KHDRBS2: variants seen among roughly 807,000 people sequenced by gnomAD.
KHDRBS2 encodes KH RNA binding domain containing, signal transduction associated 2.
In KHDRBS2, 26 loss-of-function variants were observed where a neutral mutation model predicts 44.3. The ratio of observed to expected loss-of-function variants is 0.59; its 90% CI spans 0.43 to 0.81. The LOEUF is 0.81. KHDRBS2 is among the 40% of genes least tolerant of loss of function. KHDRBS2 has a pLI of 0.00. For synonymous variants in KHDRBS2, 194 were observed against 151.1 expected, an observed-to-expected ratio of 1.28 and a Z score of -2.08; for missense variants, 476 against 433.1, an observed-to-expected ratio of 1.10 and a Z score of -0.88.
At chr6:61,919,723 C>G (rs1807682319) in intron 4 of KHDRBS2, among the ~76,000 whole-genome samples, 1 of 151,492 alleles carries the variant, frequency 6.6e-6, no homozygotes, top group Non-Finnish European at 1.5e-5. Context: ...ACCTGAAGAA[C>G]AACAACAACA....
At chr6:61,856,777 T>C (rs537994703) in intron 6 of KHDRBS2, among the ~76,000 whole-genome samples, 2 of 152,136 alleles carry the variant, frequency 1.3e-5, no homozygotes, top group African/African-American at 4.8e-5. Context: ...ACTCCAACTG[T>C]AGTGGCTTTT....
chr6:61,688,837 G>A (rs1301196386), intron 8 of KHDRBS2, among the ~76,000 whole-genome samples: 1 of 151,874 alleles, frequency 6.6e-6, no homozygotes, highest in African/African-American at 2.4e-5. Flanking sequence ...TTACTGGGAG[G>A]TAAGCTCTAA....
intron 4 of KHDRBS2, among the ~76,000 whole-genome samples, chr6:61,952,746 G>A (rs9345810): frequency 0.34 from 52,045 of 151,914 alleles, 9,080 homozygotes; most frequent in Middle Eastern, 0.41. Context: ...TGTGTCAAGT[G>A]CATTACACAT....
At chr6:61,914,031 T>C (rs1286116112) in intron 4 of KHDRBS2, among the ~76,000 whole-genome samples, 2 of 152,078 alleles carry the variant, frequency 1.3e-5, no homozygotes, top group Non-Finnish European at 2.9e-5. Flanking sequence ...GACAGTGAAA[T>C]AACCAGTTTT....
intron 6 of KHDRBS2, among the ~76,000 whole-genome samples, chr6:61,771,023 G>A (rs1179132278): frequency 2.0e-5 from 3 of 151,886 alleles, no homozygotes; most frequent in South Asian, 2.1e-4. Context: ...GAGAGTGGGG[G>A]CCAATATTCA....
intron 2 of KHDRBS2, among the ~76,000 whole-genome samples, chr6:62,078,210 T>C (rs1281525469): frequency 1.3e-5 from 2 of 152,046 alleles, no homozygotes; most frequent in Non-Finnish European, 2.9e-5. Flanking sequence ...TTCTAAGTGA[T>C]TGAGAAATTC....
intron 3 of KHDRBS2, among the ~76,000 whole-genome samples, chr6:61,983,236 CTTTTTTTTT>C (rs1173961055): frequency 5.9e-5 from 7 of 118,496 alleles, no homozygotes; most frequent in African/African-American, 2.2e-4. Flanking sequence ...TTCTTTCTTT[CTTTTTTTTT>C]TTTTTTTTTT....
chr6:61,734,357 A>T (rs1397569044), intron 6 of KHDRBS2, among the ~76,000 whole-genome samples: 1 of 152,122 alleles, frequency 6.6e-6, no homozygotes, highest in East Asian at 1.9e-4. Context: ...TTTAGAAATA[A>T]TACAAACAAG....
At chr6:62,164,935 T>C (rs1818369079) in intron 2 of KHDRBS2, among the ~76,000 whole-genome samples, 1 of 151,906 alleles carries the variant, frequency 6.6e-6, no homozygotes, top group Admixed American at 6.6e-5. Flanking sequence ...TTTTGAAATT[T>C]CCCTTACACT....
chr6:61,544,698 A>T, the KHDRBS2 span, among the ~76,000 whole-genome samples: 14 of 152,230 alleles, frequency 9.2e-5, 1 homozygote, highest in South Asian at 2.9e-3. Flanking sequence ...TTAGAATGAT[A>T]GACTGGATTA....
chr6:62,007,277 A>T (rs1340266619), intron 3 of KHDRBS2, among the ~76,000 whole-genome samples: 1 of 152,062 alleles, frequency 6.6e-6, no homozygotes, highest in Admixed American at 6.6e-5. Context: ...CCTTTAAATA[A>T]GTTTTCTGTT....
intron 1 of KHDRBS2, among the ~76,000 whole-genome samples, chr6:62,254,220 T>C (rs1212125970): frequency 6.6e-6 from 1 of 152,042 alleles, no homozygotes; most frequent in African/African-American, 2.4e-5. Context: ...ATTAAAGTGC[T>C]ACAGAGTCCT....
chr6:62,191,686 T>C (rs890361874), intron 1 of KHDRBS2, among the ~76,000 whole-genome samples: 7 of 152,098 alleles, frequency 4.6e-5, no homozygotes, highest in Non-Finnish European at 1.0e-4. Context: ...TGGTTTTTAA[T>C]GTGAAAATTT....
chr6:62,114,435 A>C (rs1805731182), intron 2 of KHDRBS2, among the ~76,000 whole-genome samples: 1 of 152,126 alleles, frequency 6.6e-6, no homozygotes, highest in Non-Finnish European at 1.5e-5. Context: ...AGTTCACTAA[A>C]CTTTTCTGAG....
rs1024788929 is a variant in KHDRBS2, at chr6:62,189,291, T to G, written c.92-11979A>C. Among the ~76,000 whole-genome samples the G allele has an allele frequency of 2.6e-5, 4 of 152,066 alleles. No individual in the cohort carries two copies. The East Asian group carries it at 5.8e-4, about 22-fold the overall frequency. On this transcript the variant is annotated intron_variant, in intron 1 of 8. Transcript: ENST00000281156. ...AGAGAGCCACCTTAGAAATAAGTCCTCTCTCAACAGTAAGGCTTTCAAATG... is the reference window on the plus strand; with the variant it reads ...AGAGAGCCACCTTAGAAATAAGTCCGCTCTCAACAGTAAGGCTTTCAAATG...
intron 2 of KHDRBS2, among the ~76,000 whole-genome samples, chr6:62,108,304 CA>C (rs1396390653): frequency 6.6e-6 from 1 of 152,142 alleles, no homozygotes; most frequent in African/African-American, 2.4e-5. Flanking sequence ...AGACACTTCT[CA>C]AAAGAAGACA....
intron 6 of KHDRBS2, among the ~76,000 whole-genome samples, chr6:61,821,850 T>C (rs1194972626): frequency 1.3e-5 from 2 of 151,940 alleles, no homozygotes; most frequent in Non-Finnish European, 2.9e-5. Flanking sequence ...TTCAACATAG[T>C]ACAGATTATA....
chr6:61,784,455 G>A (rs1302270671), intron 6 of KHDRBS2, among the ~76,000 whole-genome samples: 1 of 151,814 alleles, frequency 6.6e-6, no homozygotes, highest in East Asian at 1.9e-4. Flanking sequence ...CTCACAACAT[G>A]AGTAAGAGTG....
At chr6:62,211,897 G>A (rs576360114) in intron 1 of KHDRBS2, among the ~76,000 whole-genome samples, 7 of 152,128 alleles carry the variant, frequency 4.6e-5, no homozygotes, top group Non-Finnish European at 8.8e-5. Flanking sequence ...TAAAGACATG[G>A]AATCAACCTA....
Sources: gnomAD v4.1 joint callset for allele counts (sites outside exome capture counted in the v4.1 genomes callset) on GRCh38, gnomAD v4.1.1 for gene constraint, MANE v1.5 for transcripts, NCBI Gene and HGNC (gene_info 2026-07-23, HGNC 2026-07-21) for gene names.